Variants in KIRREL3 observed in about 807,000 individuals in gnomAD.
KIRREL3 encodes the protein kin of IRRE-like protein 3.
A neutral mutation model predicts 89.7 loss-of-function variants in KIRREL3; 36 were observed. That is an observed-to-expected ratio of 0.40 (90% CI 0.31 to 0.53). The LOEUF (loss-of-function observed/expected upper bound fraction) is 0.53, where lower values mean the gene tolerates loss of function less well. Ranked by LOEUF, KIRREL3 falls within the 20% of genes least tolerant of loss-of-function variation. The pLI is 0.49. For missense variants in KIRREL3, 864 were observed against 1,056.6 expected (o/e 0.82, Z 2.53); for synonymous variants, 445 against 441.4 (o/e 1.01, Z -0.10).
rs1352352174 is a variant in KIRREL3 at position 126,484,011 on chromosome 11, C to T, written c.434-10545G>A. On this transcript the variant is annotated intron_variant, in intron 4 of 16. Coordinates refer to ENST00000525144, the MANE Select transcript of KIRREL3 (RefSeq NM_032531.4). The surrounding 1 kb of genome is among the most constrained non-coding windows in gnomAD (Gnocchi z 5.2). ...CTCAGCAGGTACATGTGGTGCCTGG[C>T]GCCATTACCACCTGTTGTTCCCCTG... Among the ~76,000 whole-genome samples, 6 of 152,218 alleles carry T rather than the reference C, an allele frequency of 3.9e-5. No individual in the cohort carries two copies. Among genetic ancestry groups the T allele is most frequent in the Non-Finnish European group, 5.9e-5 (4 of 68,046 alleles).
chr11:126,549,469 G>A (rs1939083039), intron 2 of KIRREL3: 1 of 152,140 alleles, frequency 6.6e-6, no homozygotes, highest in Non-Finnish European at 1.5e-5. Context: ...TAAAAGCCCT[G>A]GATAATTCAT....
intron 5 of KIRREL3, among the ~76,000 whole-genome samples, chr11:126,466,199 C>A (rs1489940490): frequency 1.3e-5 from 2 of 152,212 alleles, no homozygotes; most frequent in Non-Finnish European, 2.9e-5. Context: ...CAGGCGTGTG[C>A]TTTTCTGGGA....
At chr11:126,572,087 C>T (rs1313241410) in intron 1 of KIRREL3, among the ~76,000 whole-genome samples, 1 of 152,202 alleles carries the variant, frequency 6.6e-6, no homozygotes, top group Non-Finnish European at 1.5e-5. Context: ...CCTGGGGAGG[C>T]TCAGCCTGGT....
rs1778075305 is a variant in KIRREL3 at position 126,872,800 on chromosome 11, A to G, written c.55+127655T>C. 6.6e-6 allele frequency among the ~76,000 whole-genome samples: 1 copy of G among 152,136 alleles called. No individual in the cohort carries two copies. The highest frequency in any genetic ancestry group is 1.5e-5 in the Non-Finnish European group (1 of 68,038). ...ATACTGATCAGCTCTCCATTTCCAT[A>G]GTGTGTTGAATAATACCCCATGACA... On this transcript the variant is annotated intron_variant, in intron 1 of 16. Coordinates refer to ENST00000525144, the MANE Select transcript of KIRREL3 (RefSeq NM_032531.4). This position sits in a 1 kb window ranked among gnomAD's most constrained non-coding sequence, Gnocchi z 4.2.
At position 126,655,909 on chromosome 11, in the gene KIRREL3, CTGTT is replaced by C. The variant is rs1487321204; in HGVS notation, c.56-93001_56-92998del. Among the ~76,000 whole-genome samples the C allele has an allele frequency of 6.6e-6, 1 of 151,168 alleles. No homozygotes were observed. Among genetic ancestry groups the C allele is most frequent in the African/African-American group, 2.4e-5 (1 of 41,102 alleles). On this transcript the variant is annotated intron_variant, in intron 1 of 16. Coordinates refer to ENST00000525144, the MANE Select transcript of KIRREL3 (RefSeq NM_032531.4). This position sits in a 1 kb window ranked among gnomAD's most constrained non-coding sequence, Gnocchi z 5.0. ...TTTCTCTTATTTTTTGTTCCTGACA[CTGTT>C]TGCACTGACTAAGATATCACGATGA...
At chr11:126,479,851 C>T (rs1468056497) in intron 4 of KIRREL3, among the ~76,000 whole-genome samples, 2 of 152,162 alleles carry the variant, frequency 1.3e-5, no homozygotes, top group Admixed American at 1.3e-4. Context: ...TCTCCTGGAC[C>T]ACTGGTCTTC....
rs1946176419 is a variant in KIRREL3 at position 126,896,818 on chromosome 11, C to T, written c.55+103637G>A. Among the ~76,000 whole-genome samples the T allele has an allele frequency of 6.6e-6, 1 of 152,150 alleles. No homozygotes were observed. Among genetic ancestry groups the T allele is most frequent in the Admixed American group, 6.5e-5 (1 of 15,288 alleles). On this transcript the variant is annotated intron_variant, in intron 1 of 16. Transcript: ENST00000525144. This position sits in a 1 kb window ranked among gnomAD's most constrained non-coding sequence, Gnocchi z 4.1. Reference sequence around the variant, plus strand: ...TGTAACTGCTCAGATCTTACCCAAGCGCGTGTTCTCCTCTTTCATAGCTTC... The same window carrying T: ...TGTAACTGCTCAGATCTTACCCAAGTGCGTGTTCTCCTCTTTCATAGCTTC...
At position 126,555,646 on chromosome 11, in the gene KIRREL3, T is replaced by G. The variant is rs1273269863; in HGVS notation, c.133+7189A>C. ...TTGAGGAGCAGCAGGAAGGCCCATGTGACTGGAGCGCAGGGTGTTTAAGGG... is the reference window on the plus strand; with the variant it reads ...TTGAGGAGCAGCAGGAAGGCCCATGGGACTGGAGCGCAGGGTGTTTAAGGG... On this transcript the variant is annotated intron_variant, in intron 2 of 16. Coordinates refer to ENST00000525144, the MANE Select transcript of KIRREL3 (RefSeq NM_032531.4). This position sits in a 1 kb window ranked among gnomAD's most constrained non-coding sequence, Gnocchi z 4.2. Among the ~76,000 whole-genome samples the G allele has an allele frequency of 6.6e-6, 1 of 152,006 alleles. No individual in the cohort carries two copies. Among genetic ancestry groups the G allele is most frequent in the East Asian group, 1.9e-4 (1 of 5,176 alleles).
chr11:126,692,544 CAAAAAAAAA>C (rs71048799), intron 1 of KIRREL3, among the ~76,000 whole-genome samples: 14 of 42,688 alleles, frequency 3.3e-4, no homozygotes, highest in African/African-American at 1.2e-3. Flanking sequence ...GACTCTGTCT[CAAAAAAAAA>C]AAAAAAAAAA....
Position 126,709,403 on chromosome 11 carries a change from T to C in KIRREL3, c.56-146491A>G, listed in dbSNP as rs1172456711. Among the ~76,000 whole-genome samples the C allele has an allele frequency of 6.6e-6, 1 of 151,980 alleles. No individual in the cohort carries two copies. Among genetic ancestry groups the C allele is most frequent in the Non-Finnish European group, 1.5e-5 (1 of 67,976 alleles). ...ATGCAGCCAAACAGGAAAGACAGAG[T>C]TCACACCTAACTGGCTAAAGTACAG... On this transcript the variant is annotated intron_variant, in intron 1 of 16. Coordinates refer to ENST00000525144, the MANE Select transcript of KIRREL3 (RefSeq NM_032531.4). The surrounding 1 kb of genome is among the most constrained non-coding windows in gnomAD (Gnocchi z 4.0).
chr11:126,711,068 A>C (rs1053690543), intron 1 of KIRREL3, among the ~76,000 whole-genome samples: 3 of 152,088 alleles, frequency 2.0e-5, no homozygotes, highest in Admixed American at 6.6e-5. Flanking sequence ...AATCAACCTA[A>C]CCACTGAATC....
rs1957463779 is a variant in KIRREL3, at chr11:126,489,940, G to T, written c.434-16474C>A. Among the ~76,000 whole-genome samples the T allele has an allele frequency of 6.6e-6, 1 of 152,122 alleles. No homozygotes were observed. Among genetic ancestry groups the T allele is most frequent in the African/African-American group, 2.4e-5 (1 of 41,410 alleles). On this transcript the variant is annotated intron_variant, in intron 4 of 16. Coordinates refer to ENST00000525144, the MANE Select transcript of KIRREL3 (RefSeq NM_032531.4). This position sits in a 1 kb window ranked among gnomAD's most constrained non-coding sequence, Gnocchi z 5.5. ...GTCTCAGCTCAGATCTCCATCCCTGGCACTGTGCAGGAATCTGGGCGTGTT... is the reference window on the plus strand; with the variant it reads ...GTCTCAGCTCAGATCTCCATCCCTGTCACTGTGCAGGAATCTGGGCGTGTT...
rs915877421 is a variant in KIRREL3 at position 126,802,695 on chromosome 11, T to C, written c.55+197760A>G. 2.6e-5 allele frequency among the ~76,000 whole-genome samples: 4 copies of C among 152,202 alleles called. No homozygotes were observed. The highest frequency in any genetic ancestry group is 6.5e-5 in the Admixed American group (1 of 15,288). On this transcript the variant is annotated intron_variant, in intron 1 of 16. Coordinates refer to ENST00000525144, the MANE Select transcript of KIRREL3 (RefSeq NM_032531.4). This position sits in a 1 kb window ranked among gnomAD's most constrained non-coding sequence, Gnocchi z 5.2. ...GGCTCTGGGCACTGCAACCCTGAAT[T>C]GGAATAACTGGATAAGTAATTATCC...
In KIRREL3 at chr11:126,432,244, G is replaced by T. The variant is rs1409296776; in HGVS notation, c.1589-718C>A. 1.3e-5 allele frequency among the ~76,000 whole-genome samples: 2 copies of T among 152,020 alleles called. No individual in the cohort carries two copies. The highest frequency in any genetic ancestry group is 2.9e-5 in the Non-Finnish European group (2 of 67,982). On this transcript the variant is annotated intron_variant, in intron 13 of 16. Transcript: ENST00000525144. The surrounding 1 kb of genome is among the most constrained non-coding windows in gnomAD (Gnocchi z 6.2). ...CCTTGCACCCCTCCTGGCAAGAGAG[G>T]CCCACACACTGGGCAGGCAAGCCCT... is the stretch of plus-strand genomic sequence containing the variant.
chr11:126,579,350 G>A lies in KIRREL3; in HGVS notation c.56-16438C>T, dbSNP rs1054475006. On this transcript the variant is annotated intron_variant, in intron 1 of 16. Transcript: ENST00000525144. This position sits in a 1 kb window ranked among gnomAD's most constrained non-coding sequence, Gnocchi z 5.3. ...GCTCTGTCAGTTATGACTTCCTCGG[G>A]TACCTGAGACTGTAGCTCCTCATTT... Among the ~76,000 whole-genome samples the A allele has an allele frequency of 1.3e-5, 2 of 152,110 alleles. No homozygotes were observed. Among genetic ancestry groups the A allele is most frequent in the Non-Finnish European group, 2.9e-5 (2 of 68,020 alleles).
intron 1 of KIRREL3, among the ~76,000 whole-genome samples, chr11:126,670,428 C>G (rs1471200261): frequency 6.6e-6 from 1 of 152,132 alleles, no homozygotes; most frequent in Non-Finnish European, 1.5e-5. Flanking sequence ...CCCCTATTGA[C>G]CACTGTACTG....
rs1441031515 is a variant in KIRREL3 at position 126,994,107 on chromosome 11, G to C, written c.55+6348C>G. On this transcript the variant is annotated intron_variant, in intron 1 of 16. Coordinates refer to ENST00000525144, the MANE Select transcript of KIRREL3 (RefSeq NM_032531.4). This position sits in a 1 kb window ranked among gnomAD's most constrained non-coding sequence, Gnocchi z 5.2. Reference sequence around the variant, plus strand: ...TACTTTGCTTTGCCTATGAAGACAGGCAAAGAGTAGGGTGAGAGCATAGCT... The same window carrying C: ...TACTTTGCTTTGCCTATGAAGACAGCCAAAGAGTAGGGTGAGAGCATAGCT... Among the ~76,000 whole-genome samples the C allele has an allele frequency of 6.6e-6, 1 of 152,104 alleles. No individual in the cohort carries two copies. The highest frequency in any genetic ancestry group is 2.4e-5 in the African/African-American group (1 of 41,406).
Position 126,686,704 on chromosome 11 carries a change from C to T in KIRREL3, c.56-123792G>A, listed in dbSNP as rs1267629245. On this transcript the variant is annotated intron_variant, in intron 1 of 16. Coordinates refer to ENST00000525144, the MANE Select transcript of KIRREL3 (RefSeq NM_032531.4). This position sits in a 1 kb window ranked among gnomAD's most constrained non-coding sequence, Gnocchi z 4.7. ...AAGCAGTTCTCCTGCCTCAGCCTCC[C>T]AAGTAGCTGGGATTATAAGTGTCTG... 6.6e-6 allele frequency among the ~76,000 whole-genome samples: 1 copy of T among 152,084 alleles called. No individual in the cohort carries two copies. The highest frequency in any genetic ancestry group is 1.5e-5 in the Non-Finnish European group (1 of 68,020).
chr11:126,629,143 A>C (rs1174721662), intron 1 of KIRREL3, among the ~76,000 whole-genome samples: 3 of 152,218 alleles, frequency 2.0e-5, no homozygotes, highest in Non-Finnish European at 2.9e-5. Context: ...CTGTGCAAAA[A>C]ATGTGCGTCT....
Sources: allele counts gnomAD v4.1 joint callset (sites outside exome capture counted in the v4.1 genomes callset), GRCh38; gene constraint gnomAD v4.1.1; non-coding constraint Gnocchi (gnomAD v3.1); transcripts MANE v1.5; gene names NCBI Gene and HGNC (gene_info 2026-07-23, HGNC 2026-07-21).